LMTK2: variants seen among roughly 807,000 people sequenced by gnomAD.
LMTK2 encodes the protein lemur tail kinase 2, also known as serine/threonine-protein kinase LMTK2.
A neutral mutation model predicts 127.5 loss-of-function variants in LMTK2; 37 were observed. That is an observed-to-expected ratio of 0.29 (90% CI 0.22 to 0.38). LMTK2 has a LOEUF of 0.38. Ranked by LOEUF, LMTK2 falls within the 10% of genes least tolerant of loss-of-function variation. The pLI, the probability that LMTK2 is intolerant of heterozygous loss-of-function variation, is 1.00. For synonymous variants in LMTK2, 819 were observed against 810.1 expected (o/e 1.01, Z -0.19); for missense variants, 1,694 against 1,920.3 (o/e 0.88, Z 2.20).
Position 98,195,475 on chromosome 7 carries a change from A to T in LMTK2, c.4107+903A>T, listed in dbSNP as rs533233691. Among the ~76,000 whole-genome samples the T allele has an allele frequency of 4.7e-3, 590 of 124,806 alleles. 2 individuals carry two copies. The highest frequency in any genetic ancestry group is 0.02 in the African/African-American group (550 of 27,174). The allele number at this position is 124,806 out of a possible 152,430, so 81.9% of individuals were successfully genotyped here. A position where few individuals can be genotyped will look rare whatever the true frequency, so the allele number is the denominator to read the frequency against. ...ACAGCGGATAATTCAAGCATGCTTTAAAAAAAAAAAAAAAGTTCTTTTCAT... is the reference window on the plus strand; with the variant it reads ...ACAGCGGATAATTCAAGCATGCTTTTAAAAAAAAAAAAAAGTTCTTTTCAT... On this transcript the variant is annotated intron_variant, in intron 11 of 13. Transcript: ENST00000297293.
intron 11 of LMTK2, 119 bp from the exon 12 acceptor site, chr7:98,203,455 T>G: frequency 1.5e-6 from 2 of 1,340,704 alleles, no homozygotes; most frequent in Non-Finnish European, 2.0e-6. Flanking sequence ...GCCGCCCTTG[T>G]CTTGAGACGC....
At chr7:98,117,814 A>G (rs1796308315) in intron 1 of LMTK2, among the ~76,000 whole-genome samples, 1 of 152,102 alleles carries the variant, frequency 6.6e-6, no homozygotes, top group African/African-American at 2.4e-5. Context: ...TAACAATACA[A>G]AAATTAGCCA....
At chr7:98,170,596 A>G (rs1797168507) in intron 6 of LMTK2, among the ~76,000 whole-genome samples, 1 of 150,880 alleles carries the variant, frequency 6.6e-6, no homozygotes, top group Admixed American at 6.6e-5. Context: ...ACTCAGATTT[A>G]AAGAACACTG....
intron 3 of LMTK2, among the ~76,000 whole-genome samples, chr7:98,142,869 A>G (rs902746305): frequency 2.6e-5 from 4 of 152,206 alleles, no homozygotes; most frequent in Non-Finnish European, 5.9e-5. Context: ...TTCTCTGCTC[A>G]GTAGGGAGGT....
Position 98,107,095 on chromosome 7 carries a change from G to A in LMTK2, c.-83G>A. 2 of 1,076,716 alleles carry A rather than the reference G, an allele frequency of 1.9e-6. No individual in the cohort carries two copies. The highest frequency in any genetic ancestry group is 2.5e-6 in the Non-Finnish European group (2 of 809,586). The allele number at this position is 1,076,716 out of a possible 1,614,324, so 66.7% of individuals were successfully genotyped here. ...GCGGGTGCCACTGAGGCAGCGGAGG[G>A]AGGCAGGATCGACTGACGGGCGAAC... On this transcript the variant is annotated 5_prime_UTR_variant, in exon 1 of 14. Transcript: ENST00000297293.
rs45488394 is a variant in LMTK2 at position 98,203,668 on chromosome 7, G to A, written c.4202G>A (p.Ser1401Asn). 25,584 of 1,613,886 alleles carry A rather than the reference G, an allele frequency of 0.016. 274 individuals are homozygous for A. The highest frequency in any genetic ancestry group is 0.019 in the Non-Finnish European group (22,396 of 1,179,956). ...PAPASGSPYL[S>N]RCINSESSTD... ...CCAGCCTCAGGCTCTCCCTACCTGA[G>A]CAGGTGCATCAACTCCGAAAGCTCC... The change falls in exon 12 of 14, where the codon AGC becomes AAC. Residue 1401 changes from serine to asparagine, a missense_variant. Physicochemically the swap from Ser to Asn is conservative, Grantham distance 46 (BLOSUM62 1). Transcript: ENST00000297293.
intron 9 of LMTK2, among the ~76,000 whole-genome samples, chr7:98,189,677 G>A (rs1403416569): frequency 1.3e-5 from 2 of 152,296 alleles, no homozygotes; most frequent in Non-Finnish European, 1.5e-5. Flanking sequence ...CAGAGACCTC[G>A]TGGAGGAAAT....
At chr7:98,162,560 C>G (rs1797030964) in intron 6 of LMTK2, among the ~76,000 whole-genome samples, 1 of 152,160 alleles carries the variant, frequency 6.6e-6, no homozygotes, top group African/African-American at 2.4e-5. Context: ...TGTGACCCTC[C>G]TAAGTCACTC....
chr7:98,203,316 G>A lies in LMTK2; in HGVS notation c.4108-258G>A, dbSNP rs3807510. Among the ~76,000 whole-genome samples, 23 of 152,344 alleles carry A rather than the reference G, an allele frequency of 1.5e-4. No individual in the cohort carries two copies. In the East Asian group the frequency reaches 3.5e-3, roughly 23 times the overall value. On this transcript the variant is annotated intron_variant, in intron 11 of 13. Coordinates refer to ENST00000297293, the MANE Select transcript of LMTK2 (RefSeq NM_014916.4). ...GGTGGCACCTTGAGCACTGCCGCTC[G>A]TGCCCGCCTGCCTGCTGCTCTGCGC...
In LMTK2 at chr7:98,204,193, G is replaced by T. The variant is rs770256263; in HGVS notation, c.4483+7G>T. The stretch of plus-strand genomic sequence containing the variant: ...TCGGACATCGAGCAGGGCGGTGAGA[G>T]GCGCTGCGTGCTGGGGATTGGGAGT... On this transcript the variant is annotated splice_region_variant and intron_variant, in intron 13 of 13. Coordinates refer to ENST00000297293, the MANE Select transcript of LMTK2 (RefSeq NM_014916.4). 1.2e-6 allele frequency: 2 copies of T among 1,603,478 alleles called. No individual in the cohort carries two copies. The highest frequency in any genetic ancestry group is 4.5e-5 in the East Asian group (2 of 44,870).
intron 6 of LMTK2, among the ~76,000 whole-genome samples, chr7:98,170,757 G>A (rs758701672): frequency 2.6e-5 from 4 of 151,958 alleles, no homozygotes; most frequent in Non-Finnish European, 4.4e-5. Flanking sequence ...ACAGATACAC[G>A]GTAAACTCCC....
intron 1 of LMTK2, among the ~76,000 whole-genome samples, chr7:98,135,199 CTT>C (rs1325577790): frequency 6.6e-6 from 1 of 152,208 alleles, no homozygotes; most frequent in East Asian, 1.9e-4. Flanking sequence ...TTTTTCCTCT[CTT>C]CAAGTACCCT....
intron 1 of LMTK2, among the ~76,000 whole-genome samples, chr7:98,110,882 C>G (rs1026496228): frequency 6.6e-6 from 1 of 152,198 alleles, no homozygotes; most frequent in Non-Finnish European, 1.5e-5. Context: ...GAAACCGAGC[C>G]TCTCGTTTTA....
intron 9 of LMTK2, among the ~76,000 whole-genome samples, chr7:98,189,909 G>T (rs1203261740): frequency 6.6e-6 from 1 of 152,088 alleles, no homozygotes; most frequent in East Asian, 1.9e-4. Context: ...AACCAAACTT[G>T]TGGGTCTCAC....
chr7:98,187,266 G>A (rs1797449928), intron 9 of LMTK2, among the ~76,000 whole-genome samples: 1 of 152,090 alleles, frequency 6.6e-6, no homozygotes, highest in African/African-American at 2.4e-5. Flanking sequence ...CCTCCCACAG[G>A]GCCTGACATG....
Position 98,192,934 on chromosome 7 carries a change from A to C in LMTK2, c.2469A>C (p.Glu823Asp). 6.2e-7 allele frequency: 1 copy of C among 1,614,160 alleles called. No homozygotes were observed. Among genetic ancestry groups the C allele is most frequent in the Non-Finnish European group, 8.5e-7 (1 of 1,180,026 alleles). The change falls in exon 11 of 14, where the codon GAA becomes GAC. Residue 823 changes from glutamate (E) to aspartate (D), a missense_variant. By Grantham distance (45) the Glu-to-Asp change is conservative. This residue lies in a region of LMTK2 where 527 missense variants were observed against 539.8 expected (regional missense o/e 0.98). Coordinates refer to ENST00000297293, the MANE Select transcript of LMTK2 (RefSeq NM_014916.4). ...TACCTCCTACCTCCTTCGAAACAGAAGAAACGCCCCGTCGGGTACCCCCAG... is the reference window on the plus strand; with the variant it reads ...TACCTCCTACCTCCTTCGAAACAGACGAAACGCCCCGTCGGGTACCCCCAG... ...VQVPPTSFETEETPRRVPPDS... is the reference protein window; with the variant it reads ...VQVPPTSFETDETPRRVPPDS...
At position 98,192,043 on chromosome 7, in the gene LMTK2, C is replaced by T; in HGVS notation, c.1578C>T (p.Gly526=). 6.2e-7 allele frequency: 1 copy of T among 1,602,840 alleles called. No individual in the cohort carries two copies. Among genetic ancestry groups the T allele is most frequent in the Non-Finnish European group, 8.5e-7 (1 of 1,172,284 alleles). The change falls in exon 11 of 14, where the codon GGC becomes GGT. Residue 526 remains glycine, a synonymous_variant. Transcript: ENST00000297293. The part of the protein sequence containing the change: ...DPGPGKQDDS[G]QDVPLRVPGV... ...GGCCCGGAAAGCAAGATGACAGCGGCCAGGATGTCCCCCTGAGGGTCCCTG... is the reference window on the plus strand; with the variant it reads ...GGCCCGGAAAGCAAGATGACAGCGGTCAGGATGTCCCCCTGAGGGTCCCTG...
At chr7:98,190,991 G>C in intron 10 of LMTK2, 114 bp downstream of exon 10, 2 of 1,014,968 alleles carry the variant, frequency 2.0e-6, no homozygotes, top group Non-Finnish European at 3.0e-6. Flanking sequence ...CTTTCACCAT[G>C]ATGTCACCAT....
chr7:98,173,825 G>A (rs1016835434), intron 7 of LMTK2, among the ~76,000 whole-genome samples: 16 of 152,170 alleles, frequency 1.1e-4, no homozygotes, highest in African/African-American at 3.9e-4. Context: ...GGGAGGCCGA[G>A]GCAGGCGGAT....
Sources: gnomAD v4.1 joint callset for allele counts (sites outside exome capture counted in the v4.1 genomes callset) on GRCh38, gnomAD v4.1.1 for gene constraint, gnomAD v4.1.1 regional missense constraint, MANE v1.5 for transcripts, NCBI Gene and HGNC (gene_info 2026-07-23, HGNC 2026-07-21) for gene names.